The following AXL variants were observed in gnomAD, a reference collection of about 807,000 sequenced individuals.
The protein encoded by AXL is tyrosine-protein kinase receptor UFO.
A neutral mutation model predicts 104.5 loss-of-function variants in AXL; 52 were observed. That is an observed-to-expected ratio of 0.50 (90% CI 0.40 to 0.63). The LOEUF (loss-of-function observed/expected upper bound fraction) is 0.63, where lower values mean the gene tolerates loss of function less well. AXL is among the 20% of genes least tolerant of loss of function. The probability of loss-of-function intolerance (pLI) is 0.00; values close to 1 mark genes in which losing one functional copy is unlikely to be tolerated. For missense variants in AXL, 1,024 were observed against 1,188.5 expected, an observed-to-expected ratio of 0.86 and a Z score of 2.04; for synonymous variants, 455 against 473.7, an observed-to-expected ratio of 0.96 and a Z score of 0.51.
chr19:41,222,672 T>C (rs966677025), intron 4 of AXL, among the ~76,000 whole-genome samples: 57 of 152,062 alleles, frequency 3.7e-4, no homozygotes, highest in Admixed American at 5.9e-4. Flanking sequence ...TTTGGGAGGC[T>C]GAGGCGGGCG....
chr19:41,222,001 T>C lies in AXL; in HGVS notation c.531T>C (p.Ala177=), dbSNP rs2122199481. 1 of 1,608,048 alleles carries C rather than the reference T, an allele frequency of 6.2e-7. No homozygotes were observed. The highest frequency in any genetic ancestry group is 1.1e-5 in the South Asian group (1 of 90,026). Residue 177 remains alanine, a synonymous_variant, in exon 4 of 20, where the codon GCT becomes GCC. Transcript: ENST00000301178. ...TGGACCTACTCTGGCTCCAGGATGC[T>C]GTCCCCCTGGCCACGGCTCCAGGTC... is the stretch of plus-strand genomic sequence containing the variant. ...EPVDLLWLQD[A]VPLATAPGHG...
chr19:41,221,115 A>C, intron 2 of AXL, 31 bp from the exon 3 acceptor site: 1 of 1,601,192 alleles, frequency 6.2e-7, no homozygotes, highest in Non-Finnish European at 8.5e-7. Flanking sequence ...TCTGACCCTG[A>C]ACCTCTCTGT....
intron 19 of AXL, among the ~76,000 whole-genome samples, chr19:41,258,955 A>C (rs923634764): frequency 6.6e-6 from 1 of 152,258 alleles, no homozygotes; most frequent in East Asian, 1.9e-4. Flanking sequence ...AAGGTGGCTT[A>C]CTCACATGGC....
At chr19:41,250,378 C>A (rs1415754787) in intron 14 of AXL, among the ~76,000 whole-genome samples, 2 of 152,202 alleles carry the variant, frequency 1.3e-5, no homozygotes, top group African/African-American at 4.8e-5. Flanking sequence ...GCTATGAAGT[C>A]ATTACCCACT....
chr19:41,243,800 G>T, intron 12 of AXL, 93 bp downstream of exon 12: 1 of 1,037,680 alleles, frequency 9.6e-7, no homozygotes, highest in Non-Finnish European at 1.5e-6. Context: ...TGAGCCAAAA[G>T]TTTCTAAAGG....
rs1336009431 is a variant in AXL, at chr19:41,220,845, G to A, written c.295G>A (p.Val99Ile). The A allele has an allele frequency of 1.2e-6, 2 of 1,613,964 alleles. No homozygotes were observed. Among genetic ancestry groups the A allele is most frequent in the South Asian group, 2.2e-5 (2 of 91,078 alleles). The change falls in exon 2 of 20, where the codon GTC (valine) becomes ATC (isoleucine). Residue 99 changes from valine to isoleucine, a missense_variant. Transcript: ENST00000301178. ...GGATGAACAGGATGACTGGATAGTGGTCAGCCAGCTCAGGTGTGTGGCCAC... is the reference window on the plus strand; with the variant it reads ...GGATGAACAGGATGACTGGATAGTGATCAGCCAGCTCAGGTGTGTGGCCAC... Reference protein sequence around the residue: ...GEDEQDDWIVVSQLRITSLQL... With the variant: ...GEDEQDDWIVISQLRITSLQL...
At chr19:41,228,561 GA>G (rs537428864) in intron 4 of AXL, among the ~76,000 whole-genome samples, 48 of 151,968 alleles carry the variant, frequency 3.2e-4, no homozygotes, top group African/African-American at 1.2e-3. Context: ...AAAAACAAAA[GA>G]AAAAAACAGT....
chr19:41,229,841 T>G (rs1023535294), intron 4 of AXL, among the ~76,000 whole-genome samples: 1 of 152,078 alleles, frequency 6.6e-6, no homozygotes, highest in Non-Finnish European at 1.5e-5. Context: ...TCTCCATTGA[T>G]GTACAGCCAT....
rs1243451610 is a variant in AXL at position 41,221,977 on chromosome 19, G to A, written c.507G>A (p.Val169=). ...AAGCTCAGGGACCCCCAGAGCCCGT[G>A]GACCTACTCTGGCTCCAGGATGCTG... ...SCQAQGPPEP[V]DLLWLQDAVP... The change falls in exon 4 of 20, where the codon GTG becomes GTA. Residue 169 remains valine (V), a synonymous_variant. Coordinates refer to ENST00000301178, the MANE Select transcript of AXL (RefSeq NM_021913.5). The A allele has an allele frequency of 6.2e-7, 1 of 1,611,564 alleles. No individual in the cohort carries two copies. Among genetic ancestry groups the A allele is most frequent in the East Asian group, 2.2e-5 (1 of 44,830 alleles).
chr19:41,238,206 T>C, intron 7 of AXL, 52 bp downstream of exon 7: 2 of 1,585,834 alleles, frequency 1.3e-6, no homozygotes, highest in Non-Finnish European at 1.7e-6. Context: ...GGACCTTGCT[T>C]ATATCAGTGC....
In AXL at chr19:41,252,959, C is replaced by G; in HGVS notation, c.1918C>G (p.Gln640Glu). The G allele has an allele frequency of 1.9e-6, 3 of 1,614,110 alleles. No homozygotes were observed. Among genetic ancestry groups the G allele is most frequent in the Non-Finnish European group, 2.5e-6 (3 of 1,179,992 alleles). The change falls in exon 16 of 20, where the codon CAG becomes GAG. Residue 640 changes from glutamine to glutamate, a missense_variant. Coordinates refer to ENST00000301178, the MANE Select transcript of AXL (RefSeq NM_021913.5). ...CCTCCTCTATTCCCGGCTCGGGGACCAGCCAGTGGTAAGGGGCGTTTAATC... is the reference window on the plus strand; with the variant it reads ...CCTCCTCTATTCCCGGCTCGGGGACGAGCCAGTGGTAAGGGGCGTTTAATC... The part of the protein sequence containing the change: ...SFLLYSRLGD[Q>E]PVYLPTQMLV...
At position 41,239,792 on chromosome 19, in the gene AXL, A is replaced by G. The variant is rs2034149663; in HGVS notation, c.1312+72A>G. 9 of 1,556,822 alleles carry G rather than the reference A, an allele frequency of 5.8e-6. No individual in the cohort carries two copies. In the South Asian group the frequency reaches 1.0e-4, roughly 17 times the overall value. ...TAGTGGGGGCACTGTCACCATGCAT[A>G]CTCATTGCACATCCCTTTCATGTTT... is the stretch of plus-strand genomic sequence containing the variant. On this transcript the variant is annotated intron_variant, in intron 10 of 19. Coordinates refer to ENST00000301178, the MANE Select transcript of AXL (RefSeq NM_021913.5).
At chr19:41,235,078 C>T (rs2034055163) in intron 6 of AXL, among the ~76,000 whole-genome samples, 1 of 152,156 alleles carries the variant, frequency 6.6e-6, no homozygotes, top group African/African-American at 2.4e-5. Context: ...ACAGGCCGGG[C>T]ACGGTGGCTC....
Position 41,253,738 on chromosome 19 carries a change from C to CCA in AXL, c.2036+30_2036+31insCA. 4.2e-6 allele frequency: 6 copies of CCA among 1,430,856 alleles called. No homozygotes were observed. In the South Asian group the frequency reaches 7.2e-5, roughly 17 times the overall value. The allele number at this position is 1,430,856 out of a possible 1,614,324, so 88.6% of individuals were successfully genotyped here. ...GTGCCTTTCAGGGACCCCCCCCCCC[C>CCA]AACTGCTCCTGCACTCCCTGAGGGA... On this transcript the variant is annotated intron_variant, in intron 17 of 19. Coordinates refer to ENST00000301178, the MANE Select transcript of AXL (RefSeq NM_021913.5).
rs556311078 is a variant in AXL, at chr19:41,239,267, G to C, written c.1238G>C (p.Gly413Ala). 1 of 1,608,572 alleles carries C rather than the reference G, an allele frequency of 6.2e-7. No individual in the cohort carries two copies. The highest frequency in any genetic ancestry group is 1.1e-5 in the South Asian group (1 of 90,362). Residue 413 changes from glycine (G) to alanine (A), a missense_variant, in exon 9 of 20, where the codon GGG (glycine) becomes GCG (alanine). Physicochemically the swap from Gly to Ala is moderately conservative, Grantham distance 60. Coordinates refer to ENST00000301178, the MANE Select transcript of AXL (RefSeq NM_021913.5). Reference sequence around the variant, plus strand: ...TGTGTGGCAGCCTACACTGCTGCTGGGGATGGACCCTGGAGCCTCCCAGTA... The same window carrying C: ...TGTGTGGCAGCCTACACTGCTGCTGCGGATGGACCCTGGAGCCTCCCAGTA... ...TVCVAAYTAA[G>A]DGPWSLPVPL...
Position 41,242,943 on chromosome 19 carries a change from T to A in AXL, c.1373T>A (p.Val458Asp), listed in dbSNP as rs758536146. 3.1e-6 allele frequency: 5 copies of A among 1,614,162 alleles called. No individual in the cohort carries two copies. The highest frequency in any genetic ancestry group is 3.4e-6 in the Non-Finnish European group (4 of 1,180,018). Residue 458 changes from valine (V) to aspartate (D), a missense_variant, in exon 11 of 20, where the codon GTC (valine) becomes GAC (aspartate). Around this residue, in one of 5 missense-constraint regions of AXL, gnomAD observed 523 missense variants for 636.0 expected, o/e 0.82. Transcript: ENST00000301178. ...WPWWYVLLGA[V>D]VAAACVLILA... ...TGGTGGTATGTACTGCTAGGAGCAGTCGTGGCCGCTGCCTGTGTCCTCATC... is the reference window on the plus strand; with the variant it reads ...TGGTGGTATGTACTGCTAGGAGCAGACGTGGCCGCTGCCTGTGTCCTCATC...
chr19:41,243,745 C>A, intron 12 of AXL, 38 bp downstream of exon 12: 2 of 1,570,412 alleles, frequency 1.3e-6, no homozygotes, highest in Non-Finnish European at 1.8e-6. Context: ...TGGCCTGGAT[C>A]TAAAGGCTGT....
intron 12 of AXL, 24 bp downstream of exon 12, chr19:41,243,731 G>C: frequency 6.3e-7 from 1 of 1,596,418 alleles, no homozygotes; most frequent in African/African-American, 1.3e-5. Context: ...ATGCCCCACT[G>C]CCCTGGCCTG....
Position 41,231,231 on chromosome 19 carries a change from C to T in AXL, c.716C>T (p.Thr239Met), listed in dbSNP as rs761251235. 5.0e-6 allele frequency: 8 copies of T among 1,613,752 alleles called. No individual in the cohort carries two copies. The highest frequency in any genetic ancestry group is 1.1e-5 in the South Asian group (1 of 91,072). ...RNLHLVSRQPTELEVAWTPGL... is the reference protein window; with the variant it reads ...RNLHLVSRQPMELEVAWTPGL... Reference sequence around the variant, plus strand: ...CTCCACCTGGTCTCCCGCCAACCCACGGAGCTGGAGGTGGCTTGGACTCCA... The same window carrying T: ...CTCCACCTGGTCTCCCGCCAACCCATGGAGCTGGAGGTGGCTTGGACTCCA... Residue 239 changes from threonine to methionine, a missense_variant, in exon 6 of 20, where the codon ACG becomes ATG. Physicochemically the swap from Thr to Met is moderately conservative, Grantham distance 81 (BLOSUM62 -1). Around this residue, in one of 5 missense-constraint regions of AXL, gnomAD observed 332 missense variants for 343.9 expected, o/e 0.97. Coordinates refer to ENST00000301178, the MANE Select transcript of AXL (RefSeq NM_021913.5).
Sources: gnomAD v4.1 joint callset for allele counts (sites outside exome capture counted in the v4.1 genomes callset) on GRCh38, gnomAD v4.1.1 for gene constraint, gnomAD v4.1.1 regional missense constraint, MANE v1.5 for transcripts, NCBI Gene and HGNC (gene_info 2026-07-23, HGNC 2026-07-21) for gene names.